DDB1: variants seen among roughly 807,000 people sequenced by gnomAD.
DDB1 encodes the protein DNA damage-binding protein 1.
A neutral mutation model predicts 133.1 loss-of-function variants in DDB1; 18 were observed. The observed-to-expected ratio is 0.14, with a 90% CI of 0.09 to 0.20. The LOEUF is 0.20. Among genes scored for constraint, DDB1 ranks in the 10% least tolerant of loss-of-function variants. DDB1 has a pLI of 1.00. For synonymous variants in DDB1, 580 were observed against 550.5 expected, an observed-to-expected ratio of 1.05 and a Z score of -0.75; for missense variants, 828 against 1,459.2, an observed-to-expected ratio of 0.57 and a Z score of 7.05.
rs1037323559 is a variant in DDB1, at chr11:61,309,468, T to C, written c.2566+328A>G. On this transcript the variant is annotated intron_variant, in intron 20 of 26. Coordinates refer to ENST00000301764, the MANE Select transcript of DDB1 (RefSeq NM_001923.5). ...AAGCTGGAAAGAGCACCTAAATGCC[T>C]GAGCAACCAAGTGGAAAACAAACCT... Among the ~76,000 whole-genome samples, 11 of 152,218 alleles carry C rather than the reference T, an allele frequency of 7.2e-5. No individual in the cohort carries two copies. The South Asian group carries it at 1.9e-3, about 26-fold the overall frequency.
intron 18 of DDB1, chr11:61,311,339 A>G (rs1258213687): frequency 1.2e-5 from 2 of 161,146 alleles, no homozygotes; most frequent in Non-Finnish European, 2.7e-5. Flanking sequence ...ATAACATAAC[A>G]TAACAAACAT....
chr11:61,326,897 G>T lies in DDB1; in HGVS notation c.550-4C>A, dbSNP rs911685256. The T allele has an allele frequency of 1.9e-6, 3 of 1,610,006 alleles. No individual in the cohort carries two copies. The highest frequency in any genetic ancestry group is 1.7e-6 in the Non-Finnish European group (2 of 1,176,608). On this transcript the variant is annotated splice_polypyrimidine_tract_variant and splice_region_variant and intron_variant, in intron 4 of 26. Coordinates refer to ENST00000301764, the MANE Select transcript of DDB1 (RefSeq NM_001923.5). ...TTACGTGCCGCCCCTGAGGGTCCTGGGGGGGAAAGGTAAAATGGTTAGCCC... is the reference window on the plus strand; with the variant it reads ...TTACGTGCCGCCCCTGAGGGTCCTGTGGGGGAAAGGTAAAATGGTTAGCCC...
At position 61,313,962 on chromosome 11, in the gene DDB1, A is replaced by C; in HGVS notation, c.1761T>G (p.Ile587Met). The C allele has an allele frequency of 1.2e-6, 2 of 1,614,154 alleles. No individual in the cohort carries two copies. Among genetic ancestry groups the C allele is most frequent in the Non-Finnish European group, 1.7e-6 (2 of 1,180,030 alleles). Residue 587 changes from isoleucine to methionine, a missense_variant, in exon 15 of 27, where the codon ATT (isoleucine) becomes ATG (methionine). By Grantham distance (10) the Ile-to-Met change is conservative. Transcript: ENST00000301764. ...AGGTGGTCATCAGGATGGAGCGAGG[A>C]ATGATCTCTGTGAGAAAGGGGGACA... is the stretch of plus-strand genomic sequence containing the variant. Reference protein sequence around the residue: ...LHKEMLGGEIIPRSILMTTFE... With the variant: ...LHKEMLGGEIMPRSILMTTFE...
chr11:61,325,533 T>C (rs2134932995), intron 6 of DDB1, 78 bp downstream of exon 6: 2 of 1,220,434 alleles, frequency 1.6e-6, no homozygotes, highest in South Asian at 2.7e-5. Context: ...CTCCTTTTGA[T>C]AAATAAGAGA....
chr11:61,326,524 G>GT (rs1342447941), intron 5 of DDB1, among the ~76,000 whole-genome samples: 2 of 152,014 alleles, frequency 1.3e-5, no homozygotes, highest in African/African-American at 4.8e-5. Context: ...CAATCTCAAT[G>GT]TTTTATAGTC....
intron 2 of DDB1, among the ~76,000 whole-genome samples, chr11:61,330,700 G>A (rs1047943521): frequency 6.6e-6 from 1 of 151,166 alleles, no homozygotes; most frequent in Non-Finnish European, 1.5e-5. Context: ...GTCTCGCTCT[G>A]TCACCGGGCA....
intron 7 of DDB1, 29 bp from the exon 8 acceptor site, chr11:61,323,123 A>G: frequency 6.3e-7 from 1 of 1,588,434 alleles, no homozygotes; most frequent in East Asian, 2.2e-5. Flanking sequence ...CGTGAAAGAA[A>G]TGAGAATGGA....
intron 21 of DDB1, among the ~76,000 whole-genome samples, chr11:61,306,694 C>A (rs1855887118): frequency 6.6e-6 from 1 of 152,160 alleles, no homozygotes; most frequent in Non-Finnish European, 1.5e-5. Context: ...TGCTCATAGT[C>A]CACCACCATA....
At chr11:61,304,487 G>A (rs1205261681) in intron 21 of DDB1, among the ~76,000 whole-genome samples, 3 of 151,780 alleles carry the variant, frequency 2.0e-5, no homozygotes, top group Non-Finnish European at 4.4e-5. Flanking sequence ...AAGAAAGAAA[G>A]AAAGAAAAGT....
intron 20 of DDB1, 139 bp downstream of exon 20, chr11:61,309,657 T>C: frequency 1.2e-6 from 1 of 856,852 alleles, no homozygotes; most frequent in Admixed American, 2.9e-5. Context: ...TTCAATCAAA[T>C]AAAGAAGAGA....
At chr11:61,322,734 T>C (rs1046931510) in intron 8 of DDB1, 1 of 543,326 alleles carries the variant, frequency 1.8e-6, no homozygotes, top group Non-Finnish European at 3.3e-6. Flanking sequence ...CTAGAAGAAG[T>C]CCATTACATT....
At position 61,333,045 on chromosome 11, in the gene DDB1, C is replaced by G; in HGVS notation, c.-77G>C. On this transcript the variant is annotated 5_prime_UTR_variant, in exon 1 of 27. Transcript: ENST00000301764. ...GACACAAGCGAAAAGACAGGTGGCCCCCAACAGCGCGCAGCGAACTCCACT... is the reference window on the plus strand; with the variant it reads ...GACACAAGCGAAAAGACAGGTGGCCGCCAACAGCGCGCAGCGAACTCCACT... 2 of 1,340,858 alleles carry G rather than the reference C, an allele frequency of 1.5e-6. No individual in the cohort carries two copies. The highest frequency in any genetic ancestry group is 1.5e-5 in the South Asian group (1 of 66,432). 83.1% of individuals were successfully genotyped at this position (1,340,858 alleles called of 1,614,324 possible).
intron 15 of DDB1, 62 bp from the exon 16 acceptor site, chr11:61,313,768 G>GA: frequency 6.3e-7 from 1 of 1,582,424 alleles, no homozygotes; most frequent in Non-Finnish European, 8.6e-7. Flanking sequence ...GCTGGCCTGT[G>GA]AAAGTTCAAA....
chr11:61,300,739 GAC>G, intron 26 of DDB1, 68 bp downstream of exon 26: 1 of 1,591,472 alleles, frequency 6.3e-7, no homozygotes, highest in Non-Finnish European at 8.6e-7. Context: ...GGTGCCCAGA[GAC>G]AGTCTCCTGG....
At chr11:61,312,693 G>C (rs190960255) in intron 16 of DDB1, among the ~76,000 whole-genome samples, 3 of 151,942 alleles carry the variant, frequency 2.0e-5, no homozygotes, top group African/African-American at 7.2e-5. Context: ...CTGCCTCCTG[G>C]GTTCAAGTGA....
chr11:61,310,892 A>G (rs1855954665), intron 18 of DDB1: 1 of 152,602 alleles, frequency 6.6e-6, no homozygotes, highest in Non-Finnish European at 1.5e-5. Context: ...CCAGACTGTT[A>G]TCTGCCTCAT....
In DDB1 at chr11:61,310,310, G is replaced by C. The variant is rs1460518757; in HGVS notation, c.2386C>G (p.Gln796Glu). Residue 796 changes from glutamine (Q) to glutamate (E), a missense_variant, in exon 19 of 27, where the codon CAA (glutamine) becomes GAA (glutamate). Transcript: ENST00000301764. ...TCATGTGCACCTTCAAAGGTGTGTT[G>C]GTCAATGATAAGTAGGTTGTGCACC... ...VEVHNLLIIDQHTFEVLHAHQ... is the reference protein window; with the variant it reads ...VEVHNLLIIDEHTFEVLHAHQ... 6.2e-7 allele frequency: 1 copy of C among 1,611,014 alleles called. No homozygotes were observed. The highest frequency in any genetic ancestry group is 8.5e-7 in the Non-Finnish European group (1 of 1,179,340).
At chr11:61,303,692 C>G (rs1855835633) in intron 22 of DDB1, among the ~76,000 whole-genome samples, 173 bp downstream of exon 22, 1 of 123,562 alleles carries the variant, frequency 8.1e-6, no homozygotes, top group Non-Finnish European at 1.6e-5. Context: ...CAGAGCCAGA[C>G]TGCGTCTCAA....
intron 16 of DDB1, among the ~76,000 whole-genome samples, chr11:61,312,757 C>T (rs1405108312): frequency 1.3e-5 from 2 of 152,078 alleles, no homozygotes; most frequent in Non-Finnish European, 1.5e-5. Flanking sequence ...TGCCACCACA[C>T]CCGGCTAACT....
Sources: gnomAD v4.1 joint callset for allele counts (sites outside exome capture counted in the v4.1 genomes callset) on GRCh38, gnomAD v4.1.1 for gene constraint, MANE v1.5 for transcripts, NCBI Gene and HGNC (gene_info 2026-07-23, HGNC 2026-07-21) for gene names.